Variants in PARD3B observed in about 807,000 individuals in gnomAD.
PARD3B encodes partitioning defective 3 homolog B.
Under a neutral mutation model 130.2 loss-of-function variants are expected in PARD3B, and 103 were observed. The observed-to-expected ratio is 0.79, with a 90% CI of 0.67 to 0.93. The LOEUF (loss-of-function observed/expected upper bound fraction) is 0.93, where lower values mean the gene tolerates loss of function less well. Among genes scored for constraint, PARD3B ranks in the 40% least tolerant of loss-of-function variants. The pLI is 0.00. For missense variants in PARD3B, 1,609 were observed against 1,499.2 expected (o/e 1.07, Z -1.21); for synonymous variants, 583 against 553.2 (o/e 1.05, Z -0.76).
At chr2:204,857,445 A>G (rs1559203828) in intron 2 of PARD3B, among the ~76,000 whole-genome samples, 1 of 152,208 alleles carries the variant, frequency 6.6e-6, no homozygotes, top group African/African-American at 2.4e-5. Flanking sequence ...AGGCCCCTAT[A>G]GGAAAAGACA....
chr2:205,527,959 G>A (rs181906037), intron 21 of PARD3B, among the ~76,000 whole-genome samples: 2 of 152,240 alleles, frequency 1.3e-5, no homozygotes, highest in East Asian at 1.9e-4. Context: ...TGGATAGATG[G>A]ATTGGCTGCT....
intron 2 of PARD3B, among the ~76,000 whole-genome samples, chr2:204,839,599 A>T (rs1370818071): frequency 6.6e-6 from 1 of 152,098 alleles, no homozygotes; most frequent in Non-Finnish European, 1.5e-5. Context: ...TGATTTGTAT[A>T]ATCTTTCTCT....
At chr2:205,252,177 T>G (rs531564117) in intron 16 of PARD3B, among the ~76,000 whole-genome samples, 1 of 152,268 alleles carries the variant, frequency 6.6e-6, no homozygotes, top group East Asian at 1.9e-4. Flanking sequence ...AGCAGGTGTA[T>G]GCATCTCTAA....
intron 20 of PARD3B, among the ~76,000 whole-genome samples, chr2:205,441,942 T>C (rs1000654046): frequency 3.3e-5 from 5 of 152,196 alleles, no homozygotes; most frequent in African/African-American, 9.6e-5. Context: ...ATAACTAAAC[T>C]GCTAATTCAA....
At chr2:205,505,967 T>C (rs533741785) in intron 21 of PARD3B, among the ~76,000 whole-genome samples, 20 of 152,280 alleles carry the variant, frequency 1.3e-4, no homozygotes, top group African/African-American at 4.8e-4. Flanking sequence ...AGTACATTTG[T>C]TTATATATGG....
intron 10 of PARD3B, among the ~76,000 whole-genome samples, chr2:205,157,680 G>T (rs1424315166): frequency 6.6e-6 from 1 of 152,086 alleles, no homozygotes; most frequent in African/African-American, 2.4e-5. Context: ...ACCTTAAGAT[G>T]GGAGTCTCTA....
intron 22 of PARD3B, among the ~76,000 whole-genome samples, chr2:205,556,480 C>T (rs1048055070): frequency 1.6e-4 from 24 of 152,098 alleles, no homozygotes; most frequent in African/African-American, 4.8e-4. Flanking sequence ...TGACATTTCA[C>T]GAAATAAAGC....
chr2:205,048,012 G>A, intron 4 of PARD3B: 1 of 190,652 alleles, frequency 5.2e-6, no homozygotes, highest in South Asian at 1.5e-4. Flanking sequence ...GGAAGGTTTA[G>A]TAATTTGTTT....
At chr2:205,131,101 A>G (rs2031957314) in intron 10 of PARD3B, among the ~76,000 whole-genome samples, 2 of 152,204 alleles carry the variant, frequency 1.3e-5, no homozygotes, top group South Asian at 4.1e-4. Flanking sequence ...CCTCATTTAA[A>G]TGATATATTA....
chr2:205,115,416 G>GTGAAA (rs1439679896), intron 6 of PARD3B, among the ~76,000 whole-genome samples: 29 of 152,108 alleles, frequency 1.9e-4, no homozygotes, highest in Non-Finnish European at 1.5e-5. Flanking sequence ...CATTAAAAAT[G>GTGAAA]TGAAAGTTCC....
intron 18 of PARD3B, among the ~76,000 whole-genome samples, chr2:205,356,824 G>A (rs2044209724): frequency 6.6e-6 from 1 of 151,650 alleles, no homozygotes; most frequent in Admixed American, 6.6e-5. Flanking sequence ...CCAGGAAGCA[G>A]GGGTTGCAGT....
In PARD3B at chr2:204,809,922, G is replaced by A. The variant is rs890990429; in HGVS notation, c.222+123640G>A. 3.8e-4 allele frequency among the ~76,000 whole-genome samples: 58 copies of A among 152,110 alleles called. 1 individual carries two copies. The highest frequency in any genetic ancestry group is 1.4e-3 in the African/African-American group (57 of 41,518). On this transcript the variant is annotated intron_variant, in intron 2 of 22. Coordinates refer to ENST00000406610, the MANE Select transcript of PARD3B (RefSeq NM_001302769.2). ...GTCATCTCTGATTTCTTTGAGCAGTGTTTCATAAGTCTTATTGTAGAGATC... is the reference window on the plus strand; with the variant it reads ...GTCATCTCTGATTTCTTTGAGCAGTATTTCATAAGTCTTATTGTAGAGATC...
chr2:204,807,922 C>T (rs1408846080), intron 2 of PARD3B, among the ~76,000 whole-genome samples: 1 of 151,690 alleles, frequency 6.6e-6, no homozygotes, highest in Admixed American at 6.6e-5. Context: ...TACAGTCAAC[C>T]ATAATTTATT....
intron 15 of PARD3B, among the ~76,000 whole-genome samples, chr2:205,218,299 T>C (rs2038058658): frequency 6.6e-6 from 1 of 152,168 alleles, no homozygotes; most frequent in Non-Finnish European, 1.5e-5. Flanking sequence ...GCCTAGAGCC[T>C]ATAAGCTTTA....
intron 11 of PARD3B, among the ~76,000 whole-genome samples, chr2:205,168,807 A>C (rs1012156110): frequency 1.3e-5 from 2 of 151,982 alleles, no homozygotes; most frequent in Non-Finnish European, 2.9e-5. Context: ...CTGGTTCTGA[A>C]AGTCTTTTTT....
chr2:204,556,714 A>C (rs190928310), intron 1 of PARD3B, among the ~76,000 whole-genome samples: 1 of 152,270 alleles, frequency 6.6e-6, no homozygotes, highest in African/African-American at 2.4e-5. Context: ...GTAGCTCTCC[A>C]TTTTGTTACG....
At chr2:204,829,998 C>CAA (rs745415671) in intron 2 of PARD3B, among the ~76,000 whole-genome samples, 1,944 of 47,644 alleles carry the variant, frequency 0.041, 97 homozygotes, top group East Asian at 0.14. Flanking sequence ...GACTCCGTCT[C>CAA]AAAAAAAAAA....
At chr2:204,854,402 T>C (rs1165076869) in intron 2 of PARD3B, among the ~76,000 whole-genome samples, 2 of 151,920 alleles carry the variant, frequency 1.3e-5, no homozygotes, top group African/African-American at 4.8e-5. Context: ...CTGAGAAAAA[T>C]GAAGGAATCT....
intron 19 of PARD3B, among the ~76,000 whole-genome samples, chr2:205,429,518 A>G (rs926772921): frequency 3.3e-5 from 5 of 152,198 alleles, no homozygotes; most frequent in African/African-American, 1.2e-4. Context: ...TAAATGAAAC[A>G]TTGATAGGGG....
Sources: allele counts gnomAD v4.1 joint callset (sites outside exome capture counted in the v4.1 genomes callset), GRCh38; gene constraint gnomAD v4.1.1; transcripts MANE v1.5; gene names NCBI Gene and HGNC (gene_info 2026-07-23, HGNC 2026-07-21).